GPM6B: variants seen among roughly 807,000 people sequenced by gnomAD.
GPM6B encodes the protein neuronal membrane glycoprotein M6-b.
In GPM6B, 4 loss-of-function variants were observed where a neutral mutation model predicts 27.2. The observed-to-expected ratio is 0.15, with a 90% CI of 0.07 to 0.34. GPM6B has a LOEUF of 0.34. Ranked by LOEUF, GPM6B falls within the 10% of genes least tolerant of loss-of-function variation. GPM6B has a pLI of 1.00. For synonymous variants in GPM6B, 124 were observed against 103.1 expected, an observed-to-expected ratio of 1.20 and a Z score of -1.23; for missense variants, 183 against 261.9, an observed-to-expected ratio of 0.70 and a Z score of 2.08.
At chrX:13,787,427 G>A (rs2048633332) in intron 2 of GPM6B, among the ~76,000 whole-genome samples, 1 of 111,512 alleles carries the variant, frequency 9.0e-6, no homozygotes, top group South Asian at 3.7e-4. Flanking sequence ...GTGGTGGTGG[G>A]CACCTGTAGT....
Position 13,901,629 on chromosome X carries a change from A to G in GPM6B, c.-198+36698T>C, listed in dbSNP as rs187894079. 6.5e-4 allele frequency among the ~76,000 whole-genome samples: 72 copies of G among 111,380 alleles called. 1 individual carries two copies. In the South Asian group the frequency reaches 0.013, roughly 20 times the overall value. Reference sequence around the variant, plus strand: ...ACAAGGTCACACGGCAAAATCCAAAAATATGTGCTTCCTTGTACTGGGGAC... The same window carrying G: ...ACAAGGTCACACGGCAAAATCCAAAGATATGTGCTTCCTTGTACTGGGGAC... On this transcript the variant is annotated intron_variant, in intron 1 of 6. Transcript: ENST00000398361.
chrX:13,887,647 C>T (rs371563201), intron 1 of GPM6B, among the ~76,000 whole-genome samples: 2 of 111,925 alleles, frequency 1.8e-5, no homozygotes, highest in African/African-American at 6.5e-5. Flanking sequence ...AACCTCTCCC[C>T]TCTGTAAGTA....
At chrX:13,836,748 G>A (rs1010812529) in intron 1 of GPM6B, among the ~76,000 whole-genome samples, 1 of 112,366 alleles carries the variant, frequency 8.9e-6, no homozygotes, top group Non-Finnish European at 1.9e-5. Flanking sequence ...AACACACTAC[G>A]TGTGTACCTG....
At chrX:13,892,229 T>C (rs192592091) in intron 1 of GPM6B, among the ~76,000 whole-genome samples, 2 of 111,867 alleles carry the variant, frequency 1.8e-5, no homozygotes, top group East Asian at 2.8e-4. Flanking sequence ...TAGCTGAATA[T>C]TGACATAGTA....
At chrX:13,922,773 T>C (rs1043304238) in intron 1 of GPM6B, among the ~76,000 whole-genome samples, 5 of 112,404 alleles carry the variant, frequency 4.4e-5, no homozygotes, top group Non-Finnish European at 9.4e-5. Context: ...AATTTTAAAT[T>C]CTAGAGTTTC....
intron 1 of GPM6B, among the ~76,000 whole-genome samples, chrX:13,912,745 A>G (rs2050389407): frequency 8.9e-6 from 1 of 112,552 alleles, no homozygotes; most frequent in Non-Finnish European, 1.9e-5. Flanking sequence ...AGGTTGGAAC[A>G]TTGTAAGAAA....
chrX:13,869,634 C>T (rs1603097638), intron 1 of GPM6B, among the ~76,000 whole-genome samples: 1 of 111,562 alleles, frequency 9.0e-6, no homozygotes, highest in Non-Finnish European at 1.9e-5. Context: ...TTCCAGAATG[C>T]CCTTGTTCAG....
At chrX:13,884,886 TGA>T (rs929866839) in intron 1 of GPM6B, among the ~76,000 whole-genome samples, 18 of 111,917 alleles carry the variant, frequency 1.6e-4, no homozygotes, top group African/African-American at 5.8e-4. Context: ...TTTGAAATAT[TGA>T]GAGAAGGTCC....
At chrX:13,842,685 C>T (rs758512222) in intron 1 of GPM6B, among the ~76,000 whole-genome samples, 1 of 110,737 alleles carries the variant, frequency 9.0e-6, no homozygotes, top group Non-Finnish European at 1.9e-5. Context: ...TCAGGAGCAG[C>T]CTGGGCAACA....
At chrX:13,775,248 C>T (rs1303164801) in intron 7 of GPM6B, among the ~76,000 whole-genome samples, 2 of 112,697 alleles carry the variant, frequency 1.8e-5, no homozygotes, top group African/African-American at 3.2e-5. Flanking sequence ...TTGTGACTGC[C>T]TACTTGCTAA....
At chrX:13,858,667 AAATT>A (rs1159791402) in intron 1 of GPM6B, among the ~76,000 whole-genome samples, 1 of 111,361 alleles carries the variant, frequency 9.0e-6, no homozygotes, top group Non-Finnish European at 1.9e-5. Flanking sequence ...ATCTCTGCTC[AAATT>A]ATTTCCAGAA....
At chrX:13,850,687 G>GA (rs1339846718) in intron 1 of GPM6B, among the ~76,000 whole-genome samples, 1 of 111,762 alleles carries the variant, frequency 8.9e-6, no homozygotes, top group African/African-American at 3.2e-5. Context: ...CAGCTTCTTT[G>GA]AAAAAATGAG....
chrX:13,779,100 T>G (rs1940011437), intron 5 of GPM6B, among the ~76,000 whole-genome samples: 1 of 110,767 alleles, frequency 9.0e-6, no homozygotes, highest in East Asian at 2.8e-4. Context: ...GTAATTAGAC[T>G]CCTCCCTCAG....
At chrX:13,893,093 G>A (rs769035389) in intron 1 of GPM6B, among the ~76,000 whole-genome samples, 54 of 111,631 alleles carry the variant, frequency 4.8e-4, no homozygotes, top group South Asian at 1.1e-3. Context: ...CAAAAACAGC[G>A]GGCCAGATTT....
At chrX:13,825,419 T>C (rs778303646) in intron 1 of GPM6B, among the ~76,000 whole-genome samples, 14 of 111,681 alleles carry the variant, frequency 1.3e-4, no homozygotes, top group Non-Finnish European at 3.8e-5. Flanking sequence ...ACCTTTCAGG[T>C]GCCTCCTAAT....
intron 1 of GPM6B, chrX:13,938,299 C>T (rs1235209019): frequency 3.7e-6 from 1 of 272,840 alleles, no homozygotes. Flanking sequence ...GGACCACCCC[C>T]CCCACAGGAT....
At chrX:13,792,718 G>A (rs2147145662) in intron 2 of GPM6B, among the ~76,000 whole-genome samples, 1 of 111,167 alleles carries the variant, frequency 9.0e-6, no homozygotes, top group South Asian at 3.8e-4. Context: ...CAGCCAACAT[G>A]GTGAAACCCC....
At chrX:13,920,762 G>C (rs1603140207) in intron 1 of GPM6B, among the ~76,000 whole-genome samples, 1 of 109,339 alleles carries the variant, frequency 9.1e-6, no homozygotes. Context: ...GTGGTGGCGG[G>C]CGCCTGCAGT....
chrX:13,857,134 T>C (rs758565709), intron 1 of GPM6B, among the ~76,000 whole-genome samples: 14 of 111,412 alleles, frequency 1.3e-4, no homozygotes, highest in Admixed American at 2.9e-4. Context: ...TGTGATGACA[T>C]TGGGCCCACT....
Sources: gnomAD v4.1 joint callset for allele counts (sites outside exome capture counted in the v4.1 genomes callset) on GRCh38, gnomAD v4.1.1 for gene constraint, MANE v1.5 for transcripts, NCBI Gene and HGNC (gene_info 2026-07-23, HGNC 2026-07-21) for gene names.